The following NPSR1 variants were observed in gnomAD, a reference collection of about 807,000 sequenced individuals.
NPSR1 encodes neuropeptide S receptor.
In NPSR1, 48 loss-of-function variants were observed where a neutral mutation model predicts 46.9. The observed-to-expected ratio is 1.02, with a 90% CI of 0.81 to 1.30. The LOEUF is 1.30. Ranked by LOEUF, NPSR1 falls within the 50% of genes most tolerant of loss-of-function variation. The probability of loss-of-function intolerance (pLI) is 0.00; values close to 1 mark genes in which losing one functional copy is unlikely to be tolerated. For synonymous variants in NPSR1, 176 were observed against 168.1 expected, an observed-to-expected ratio of 1.05 and a Z score of -0.36; for missense variants, 450 against 449.5, an observed-to-expected ratio of 1.00 and a Z score of -0.01.
rs186066353 is a variant in NPSR1, at chr7:34,868,257, T to G, written c.1026-9819T>G. The stretch of plus-strand genomic sequence containing the variant: ...TCTAAAACCTCTGCTCCCCCTTCAC[T>G]AGAAAGCCAGCCCTGGGGAGGGAGG... On this transcript the variant is annotated intron_variant, in intron 8 of 8. Transcript: ENST00000359791. Among the ~76,000 whole-genome samples, 1,379 of 151,482 alleles carry G rather than the reference T, an allele frequency of 9.1e-3. 50 individuals carry two copies. Among genetic ancestry groups the G allele is most frequent in the African/African-American group, 0.032 (1,308 of 40,826 alleles).
At chr7:34,820,331 T>A (rs1036473991) in intron 4 of NPSR1, among the ~76,000 whole-genome samples, 2 of 152,198 alleles carry the variant, frequency 1.3e-5, no homozygotes, top group South Asian at 4.1e-4. Context: ...ATAGAAAATA[T>A]ACTTGTTTCC....
At chr7:34,769,720 G>A (rs1049146987) in intron 2 of NPSR1, among the ~76,000 whole-genome samples, 4 of 152,098 alleles carry the variant, frequency 2.6e-5, no homozygotes, top group Admixed American at 2.0e-4. Flanking sequence ...TTGTCCACCC[G>A]CTTTTGTGCT....
At position 34,798,165 on chromosome 7, in the gene NPSR1, G is replaced by A. The variant is rs35113649; in HGVS notation, c.385-13605G>A. 2.6e-4 allele frequency among the ~76,000 whole-genome samples: 39 copies of A among 152,194 alleles called. No individual in the cohort carries two copies. The South Asian group carries it at 3.3e-3, about 13-fold the overall frequency. On this transcript the variant is annotated intron_variant, in intron 3 of 8. Transcript: ENST00000360581. ...TTAATTGACCTATAGATAGTTGCTC[G>A]ACACAAAAATAGCAATAATGCATTG...
At chr7:34,837,541 C>T (rs1014812993) in intron 6 of NPSR1, among the ~76,000 whole-genome samples, 7 of 152,186 alleles carry the variant, frequency 4.6e-5, no homozygotes, top group Non-Finnish European at 7.3e-5. Context: ...ACCCATTTCC[C>T]GTTTGAGAAT....
chr7:34,789,151 G>A lies in NPSR1; in HGVS notation c.384+10586G>A, dbSNP rs960986195. Among the ~76,000 whole-genome samples the A allele has an allele frequency of 2.0e-5, 3 of 151,788 alleles. 1 individual carries two copies. The highest frequency in any genetic ancestry group is 4.4e-5 in the Non-Finnish European group (3 of 67,914). The stretch of plus-strand genomic sequence containing the variant: ...AAGCTTATGGGATGCAACAAAAGCA[G>A]GTCTAAGAGGGGAGTTTATACCAAT... On this transcript the variant is annotated intron_variant, in intron 3 of 8. Transcript: ENST00000360581.
chr7:34,789,057 C>A (rs1376640401), intron 3 of NPSR1, among the ~76,000 whole-genome samples: 1 of 151,476 alleles, frequency 6.6e-6, no homozygotes. Context: ...ATCAATAGGT[C>A]AAAGAAGAAA....
chr7:34,799,178 G>T (rs1196482172), intron 3 of NPSR1, among the ~76,000 whole-genome samples: 1 of 151,988 alleles, frequency 6.6e-6, no homozygotes, highest in Non-Finnish European at 1.5e-5. Context: ...TAATGAATAT[G>T]TTAATTAGCT....
Position 34,749,652 on chromosome 7 carries a change from T to A in NPSR1, c.281-28810T>A, listed in dbSNP as rs1026459879. The stretch of plus-strand genomic sequence containing the variant: ...CAAGCCCTGGGGGCCCAAGAGGGGG[T>A]TGTTGAGTAAGGGCAGAAAGTACAA... On this transcript the variant is annotated intron_variant, in intron 2 of 8. Transcript: ENST00000360581. Among the ~76,000 whole-genome samples, 5 of 151,876 alleles carry A rather than the reference T, an allele frequency of 3.3e-5. No homozygotes were observed. In the South Asian group the frequency reaches 6.2e-4, roughly 19 times the overall value.
intron 8 of NPSR1, 137 bp from the exon 9 acceptor site, chr7:34,849,428 G>T (rs762428129): frequency 6.3e-7 from 1 of 1,579,416 alleles, no homozygotes; most frequent in African/African-American, 1.4e-5. Context: ...GGAAGGTCAG[G>T]GTATTACATG....
chr7:34,690,750 T>A (rs1793208262), intron 2 of NPSR1, among the ~76,000 whole-genome samples: 1 of 152,140 alleles, frequency 6.6e-6, no homozygotes, highest in Admixed American at 6.5e-5. Context: ...CACCCAAACC[T>A]ACAATTTATA....
At chr7:34,703,228 GGGCGCGATGGCA>G (rs1297770426) in intron 2 of NPSR1, among the ~76,000 whole-genome samples, 4 of 152,176 alleles carry the variant, frequency 2.6e-5, no homozygotes, top group East Asian at 1.9e-4. Flanking sequence ...GCGTGGTGGC[GGGCGCGATGGCA>G]GGCGCCTGTA....
intron 6 of NPSR1, among the ~76,000 whole-genome samples, chr7:34,836,633 G>A: frequency 6.9e-6 from 1 of 145,494 alleles, no homozygotes; most frequent in African/African-American, 2.5e-5. Context: ...AAAGAAGAAA[G>A]AAAGAAAGAA....
intron 2 of NPSR1, chr7:34,750,274 T>G (rs1785452357): frequency 1.5e-6 from 1 of 679,510 alleles, no homozygotes; most frequent in East Asian, 2.9e-5. Context: ...TGCGAGCTGA[T>G]GCTCTGAGAA....
At chr7:34,727,702 T>C (rs949093221) in intron 2 of NPSR1, among the ~76,000 whole-genome samples, 5 of 152,200 alleles carry the variant, frequency 3.3e-5, no homozygotes, top group Admixed American at 6.5e-5. Flanking sequence ...TTCTTCTGAT[T>C]TGCATATGCA....
intron 2 of NPSR1, among the ~76,000 whole-genome samples, chr7:34,755,588 G>A (rs62462885): frequency 3.9e-5 from 6 of 152,070 alleles, no homozygotes; most frequent in African/African-American, 1.4e-4. Context: ...GTCATTTCCA[G>A]TTTAGGGCTA....
At chr7:34,841,473 G>T (rs549633401) in intron 6 of NPSR1, among the ~76,000 whole-genome samples, 3 of 152,334 alleles carry the variant, frequency 2.0e-5, no homozygotes, top group South Asian at 4.2e-4. Context: ...TCGAATGGAC[G>T]TGCCACTTTC....
chr7:34,780,030 G>A (rs1787163510), intron 3 of NPSR1, among the ~76,000 whole-genome samples: 1 of 152,114 alleles, frequency 6.6e-6, no homozygotes, highest in African/African-American at 2.4e-5. Flanking sequence ...TTCTCCACAT[G>A]GGCCTCTCTA....
At chr7:34,808,442 TACATA>T (rs528595463) in intron 3 of NPSR1, among the ~76,000 whole-genome samples, 157 of 152,274 alleles carry the variant, frequency 1.0e-3, no homozygotes, top group Non-Finnish European at 6.8e-4. Flanking sequence ...AGACCCAAAA[TACATA>T]ACAAAATTGA....
intron 3 of NPSR1, among the ~76,000 whole-genome samples, chr7:34,794,268 T>C (rs1235468457): frequency 6.6e-6 from 1 of 152,188 alleles, no homozygotes; most frequent in Non-Finnish European, 1.5e-5. Flanking sequence ...AGATGATGGA[T>C]ATTCTAATTA....
Sources: allele counts gnomAD v4.1 joint callset (sites outside exome capture counted in the v4.1 genomes callset), GRCh38; gene constraint gnomAD v4.1.1; transcripts MANE v1.5; gene names NCBI Gene and HGNC (gene_info 2026-07-23, HGNC 2026-07-21).